ADARB2: variants seen among roughly 807,000 people sequenced by gnomAD.
ADARB2 encodes the protein adenosine deaminase RNA specific B2 (inactive).
A neutral mutation model predicts 62.2 loss-of-function variants in ADARB2; 25 were observed. That is an observed-to-expected ratio of 0.40 (90% CI 0.29 to 0.56). ADARB2 has a LOEUF of 0.56. Ranked by LOEUF, ADARB2 falls within the 20% of genes least tolerant of loss-of-function variation. The pLI is 0.43. For missense variants in ADARB2, 1,071 were observed against 1,077.4 expected (o/e 0.99, Z 0.08); for synonymous variants, 572 against 500.8 (o/e 1.14, Z -1.90).
At position 1,594,727 on chromosome 10, in the gene ADARB2, G is replaced by C. The variant is rs146751638; in HGVS notation, c.100+142324C>G. ...GCTTAGGCTGCTGGAGCAAGATCAAGAGCCTGTGCTGGAGGACGCTTAAAG... is the reference window on the plus strand; with the variant it reads ...GCTTAGGCTGCTGGAGCAAGATCAACAGCCTGTGCTGGAGGACGCTTAAAG... On this transcript the variant is annotated intron_variant, in intron 1 of 9. Transcript: ENST00000381312. 1.3e-3 allele frequency among the ~76,000 whole-genome samples: 202 copies of C among 152,362 alleles called. 1 individual carries two copies. Among genetic ancestry groups the C allele is most frequent in the African/African-American group, 4.7e-3 (194 of 41,600 alleles).
chr10:1,634,127 G>T (rs2119048540), intron 1 of ADARB2, among the ~76,000 whole-genome samples: 1 of 152,196 alleles, frequency 6.6e-6, no homozygotes. Flanking sequence ...CCACGGGTGT[G>T]TTTCCTCCTC....
At chr10:1,203,872 T>C (rs883491) in intron 7 of ADARB2, among the ~76,000 whole-genome samples, 4 of 152,152 alleles carry the variant, frequency 2.6e-5, no homozygotes, top group East Asian at 1.9e-4. Context: ...ACCTGAGAAG[T>C]TGATAGAAAT....
chr10:1,733,829 G>T (rs1054981661), intron 1 of ADARB2, among the ~76,000 whole-genome samples: 3 of 152,124 alleles, frequency 2.0e-5, no homozygotes, highest in Non-Finnish European at 4.4e-5. Flanking sequence ...ATGAACTCCA[G>T]GGGTATTTAG....
chr10:1,701,949 A>G (rs1834827296), intron 1 of ADARB2, among the ~76,000 whole-genome samples: 1 of 152,274 alleles, frequency 6.6e-6, no homozygotes, highest in Non-Finnish European at 1.5e-5. Context: ...ATTCCATGGT[A>G]TAGAGGCGTG....
chr10:1,510,114 T>TTCTCTCTTTCTC (rs763583273), intron 1 of ADARB2, among the ~76,000 whole-genome samples: 18 of 59,526 alleles, frequency 3.0e-4, no homozygotes, highest in South Asian at 1.1e-3. Flanking sequence ...CTTTCTCTCT[T>TTCTCTCTTTCTC]TCTTTCTTTC....
At chr10:1,263,288 A>T (rs117336449) in intron 4 of ADARB2, among the ~76,000 whole-genome samples, 3,557 of 152,316 alleles carry the variant, frequency 0.023, 55 homozygotes, top group African/African-American at 0.036. Flanking sequence ...TAATAATAGT[A>T]ATAATAAAGA....
intron 1 of ADARB2, among the ~76,000 whole-genome samples, chr10:1,481,423 A>T (rs1186458462): frequency 6.6e-6 from 1 of 152,260 alleles, no homozygotes; most frequent in Non-Finnish European, 1.5e-5. Context: ...CACCAAAAGC[A>T]TAGGTGATGA....
At chr10:1,475,977 A>G (rs983793877) in intron 1 of ADARB2, among the ~76,000 whole-genome samples, 1 of 152,202 alleles carries the variant, frequency 6.6e-6, no homozygotes, top group Non-Finnish European at 1.5e-5. Context: ...GGAGACAGTT[A>G]AGTGTTACTG....
intron 1 of ADARB2, among the ~76,000 whole-genome samples, chr10:1,567,141 G>A (rs960413454): frequency 7.2e-5 from 11 of 152,134 alleles, no homozygotes; most frequent in Admixed American, 6.5e-4. Flanking sequence ...GAGGGTGACT[G>A]GGGGTCCCTG....
intron 1 of ADARB2, among the ~76,000 whole-genome samples, chr10:1,699,279 C>T (rs71500157): frequency 2.4e-4 from 9 of 37,746 alleles, no homozygotes; most frequent in East Asian, 9.5e-4. Context: ...CGGGCACTCG[C>T]CAATACACGC....
At chr10:1,283,418 T>G (rs1386883111) in intron 3 of ADARB2, among the ~76,000 whole-genome samples, 1 of 152,218 alleles carries the variant, frequency 6.6e-6, no homozygotes, top group Non-Finnish European at 1.5e-5. Context: ...TTAACAATCC[T>G]GTGAATTAAT....
intron 1 of ADARB2, among the ~76,000 whole-genome samples, chr10:1,546,569 G>T (rs555422816): frequency 9.2e-5 from 14 of 152,316 alleles, no homozygotes; most frequent in African/African-American, 3.1e-4. Context: ...ACTGGAGAAG[G>T]GGCAGCAACT....
intron 7 of ADARB2, among the ~76,000 whole-genome samples, chr10:1,208,481 C>G (rs1297289717): frequency 1.3e-5 from 2 of 152,222 alleles, no homozygotes; most frequent in Non-Finnish European, 2.9e-5. Context: ...CAGGTGCAGG[C>G]AGCCGGGCCC....
chr10:1,412,344 T>A (rs1473436548), intron 1 of ADARB2, among the ~76,000 whole-genome samples: 1 of 152,072 alleles, frequency 6.6e-6, no homozygotes, highest in African/African-American at 2.4e-5. Flanking sequence ...AAGTCTTTAC[T>A]GAACAGTTGA....
intron 1 of ADARB2, among the ~76,000 whole-genome samples, chr10:1,391,415 T>A (rs1832569687): frequency 6.6e-6 from 1 of 152,154 alleles, no homozygotes; most frequent in East Asian, 1.9e-4. Flanking sequence ...CTATCGCTGT[T>A]CTCCGGGTCT....
rs868839949 is a variant in ADARB2, at chr10:1,327,366, C to T, written c.1077+35662G>A. On this transcript the variant is annotated intron_variant, in intron 3 of 9. Coordinates refer to ENST00000381312, the MANE Select transcript of ADARB2 (RefSeq NM_018702.4). ...TGCACAGCGCCTCCTCACGGCCCAG[C>T]GCCTCCCCACGGCACAGCGCCTCCC... 6.8e-5 allele frequency among the ~76,000 whole-genome samples: 5 copies of T among 73,790 alleles called. 1 individual carries two copies. The highest frequency in any genetic ancestry group is 3.0e-4 in the African/African-American group (5 of 16,894). 48.4% of individuals were successfully genotyped at this position (73,790 alleles called of 152,430 possible).
In ADARB2 at chr10:1,328,008, C is replaced by T. The variant is rs549401407; in HGVS notation, c.1077+35020G>A. Among the ~76,000 whole-genome samples, 33 of 151,640 alleles carry T rather than the reference C, an allele frequency of 2.2e-4. No homozygotes were observed. The South Asian group carries it at 3.7e-3, about 17-fold the overall frequency. On this transcript the variant is annotated intron_variant, in intron 3 of 9. Coordinates refer to ENST00000381312, the MANE Select transcript of ADARB2 (RefSeq NM_018702.4). Reference sequence around the variant, plus strand: ...GCGCCTCCCCACAGCAAGGCGCCTCCGCATTCTGGGGGCACGGATTGCAGG... The same window carrying T: ...GCGCCTCCCCACAGCAAGGCGCCTCTGCATTCTGGGGGCACGGATTGCAGG...
chr10:1,279,169 T>G (rs890599635), intron 3 of ADARB2, among the ~76,000 whole-genome samples: 2 of 152,198 alleles, frequency 1.3e-5, no homozygotes, highest in African/African-American at 4.8e-5. Flanking sequence ...AAGCCCAAGA[T>G]GATGGTGTCG....
intron 1 of ADARB2, among the ~76,000 whole-genome samples, chr10:1,725,767 C>T (rs1835155979): frequency 6.6e-6 from 1 of 152,258 alleles, no homozygotes; most frequent in Non-Finnish European, 1.5e-5. Flanking sequence ...TGACACAAGA[C>T]ACTAACCTTT....
Sources: allele counts gnomAD v4.1 joint callset (sites outside exome capture counted in the v4.1 genomes callset), GRCh38; gene constraint gnomAD v4.1.1; transcripts MANE v1.5; gene names NCBI Gene and HGNC (gene_info 2026-07-23, HGNC 2026-07-21).